The following SEMA3D variants were observed in gnomAD, a reference collection of about 807,000 sequenced individuals.
SEMA3D encodes the protein semaphorin-3D.
SEMA3D carries 84 observed loss-of-function variants against 100.1 expected under a neutral mutation model. The observed-to-expected ratio is 0.84, with a 90% CI of 0.70 to 1.01. SEMA3D has a LOEUF of 1.01. Among genes scored for constraint, SEMA3D ranks in the 50% least tolerant of loss-of-function variants. SEMA3D has a pLI of 0.00. For synonymous variants in SEMA3D, 312 were observed against 320.7 expected (o/e 0.97, Z 0.29); for missense variants, 875 against 934.1 (o/e 0.94, Z 0.82).
At chr7:85,112,555 A>T (rs759074925) in intron 3 of SEMA3D, among the ~76,000 whole-genome samples, 25 of 152,188 alleles carry the variant, frequency 1.6e-4, no homozygotes, top group Middle Eastern at 3.2e-3. Context: ...TGGCAAGTTG[A>T]CAATAACATG....
chr7:85,016,030 T>C (rs544625877), intron 15 of SEMA3D, among the ~76,000 whole-genome samples: 15 of 151,842 alleles, frequency 9.9e-5, no homozygotes, highest in African/African-American at 3.4e-4. Context: ...CATAATAACA[T>C]AGTACTCAAC....
chr7:85,181,302 A>T (rs969154972), intron 1 of SEMA3D, among the ~76,000 whole-genome samples: 2 of 146,220 alleles, frequency 1.4e-5, no homozygotes, highest in Non-Finnish European at 3.0e-5. Flanking sequence ...AATGACAAAG[A>T]ATAAAGACAT....
chr7:85,138,407 G>T (rs1221103710), intron 2 of SEMA3D, among the ~76,000 whole-genome samples: 1 of 151,756 alleles, frequency 6.6e-6, no homozygotes, highest in Non-Finnish European at 1.5e-5. Context: ...TCACGTCTCA[G>T]CCTCTAGAGC....
chr7:85,047,161 GA>G (rs886172023), intron 9 of SEMA3D, among the ~76,000 whole-genome samples: 34 of 150,452 alleles, frequency 2.3e-4, no homozygotes, highest in African/African-American at 4.4e-4. Context: ...ATTAAAAAAA[GA>G]AAAAAAAATT....
chr7:85,100,255 C>T (rs140194891), intron 3 of SEMA3D, among the ~76,000 whole-genome samples: 169 of 151,196 alleles, frequency 1.1e-3, no homozygotes, highest in African/African-American at 3.5e-3. Flanking sequence ...CCTAAAGTTA[C>T]AAAACTACGT....
intron 12 of SEMA3D, among the ~76,000 whole-genome samples, chr7:85,033,172 A>G (rs1790592652): frequency 6.6e-6 from 1 of 152,158 alleles, no homozygotes; most frequent in Admixed American, 6.6e-5. Flanking sequence ...TTGCTAAATA[A>G]TTTTGAACTT....
chr7:85,235,288 T>C, the SEMA3D span, among the ~76,000 whole-genome samples: 2 of 152,206 alleles, frequency 1.3e-5, no homozygotes, highest in Non-Finnish European at 2.9e-5. Context: ...AAAACAATTC[T>C]TGTCTAACAG....
chr7:85,073,423 T>TC (rs1322701300), intron 5 of SEMA3D, among the ~76,000 whole-genome samples: 1 of 148,842 alleles, frequency 6.7e-6, no homozygotes, highest in Non-Finnish European at 1.5e-5. Context: ...AATTTTCTCT[T>TC]TTTTTTTTTA....
At chr7:85,129,615 T>C (rs1315308802) in intron 2 of SEMA3D, among the ~76,000 whole-genome samples, 1 of 152,138 alleles carries the variant, frequency 6.6e-6, no homozygotes, top group Non-Finnish European at 1.5e-5. Context: ...AATAAATTCC[T>C]ACACTAAGAC....
At chr7:85,169,470 G>A (rs754607096) in intron 1 of SEMA3D, among the ~76,000 whole-genome samples, 3 of 151,776 alleles carry the variant, frequency 2.0e-5, no homozygotes, top group Non-Finnish European at 2.9e-5. Flanking sequence ...CTGATAGTAA[G>A]GAGGCAAAAT....
chr7:85,221,628 C>T, the SEMA3D span, among the ~76,000 whole-genome samples: 1 of 151,970 alleles, frequency 6.6e-6, no homozygotes, highest in Non-Finnish European at 1.5e-5. Context: ...ATATTATAGT[C>T]ACTCACATGA....
In SEMA3D at chr7:85,097,950, T is replaced by C. The variant is rs776929526; in HGVS notation, c.167A>G (p.Asn56Ser). 1.9e-6 allele frequency: 3 copies of C among 1,566,892 alleles called. No individual in the cohort carries two copies. The highest frequency in any genetic ancestry group is 1.7e-4 in the Middle Eastern group (1 of 5,836). Residue 56 changes from asparagine (N) to serine (S), a missense_variant, in exon 4 of 19, where the codon AAT (asparagine) becomes AGT (serine). Asn to Ser is a conservative substitution (Grantham distance 46, BLOSUM62 1). Transcript: ENST00000284136. ...TGAACCCAAAAAGGGAATACAGCTA[T>C]TTGAAAGCAGCAAGTCTATGGAAAG... is the stretch of plus-strand genomic sequence containing the variant. ...KLTYKDLLLS[N>S]SCIPFLGSSE... is the part of the protein sequence containing the mutation.
chr7:85,002,230 C>T (rs1161178011), intron 18 of SEMA3D, among the ~76,000 whole-genome samples: 3 of 151,992 alleles, frequency 2.0e-5, no homozygotes, highest in Non-Finnish European at 4.4e-5. Context: ...TCTTTTCTTC[C>T]GTGGAGTGCT....
intron 17 of SEMA3D, among the ~76,000 whole-genome samples, chr7:85,009,749 T>G (rs1235982067): frequency 6.6e-6 from 1 of 151,862 alleles, no homozygotes; most frequent in African/African-American, 2.4e-5. Context: ...TTATAAAATC[T>G]AACTTTCTCC....
chr7:85,124,756 A>T (rs1460017682), intron 2 of SEMA3D, among the ~76,000 whole-genome samples: 1 of 152,142 alleles, frequency 6.6e-6, no homozygotes, highest in African/African-American at 2.4e-5. Context: ...GAGAGGGAAG[A>T]GAATGTGGCA....
intron 12 of SEMA3D, among the ~76,000 whole-genome samples, 193 bp downstream of exon 12, chr7:85,036,696 T>C (rs1483955059): frequency 6.6e-6 from 1 of 152,158 alleles, no homozygotes; most frequent in Admixed American, 6.6e-5. Context: ...ACATAGTCCA[T>C]TGTTTCTCAA....
At chr7:85,171,780 A>G (rs907146719) in intron 1 of SEMA3D, among the ~76,000 whole-genome samples, 3 of 152,070 alleles carry the variant, frequency 2.0e-5, no homozygotes, top group Non-Finnish European at 4.4e-5. Context: ...AAAATTACAT[A>G]AGGAATGAGT....
chr7:85,248,772 G>T, the SEMA3D span, among the ~76,000 whole-genome samples: 2 of 151,986 alleles, frequency 1.3e-5, no homozygotes, highest in African/African-American at 4.8e-5. Context: ...TCTGGAAAGG[G>T]CATAACTATG....
At chr7:85,061,394 A>C (rs1791474286) in intron 8 of SEMA3D, among the ~76,000 whole-genome samples, 1 of 152,190 alleles carries the variant, frequency 6.6e-6, no homozygotes, top group African/African-American at 2.4e-5. Flanking sequence ...AGAACATAAT[A>C]TGCCATGCAC....
Sources: gnomAD v4.1 joint callset for allele counts (sites outside exome capture counted in the v4.1 genomes callset) on GRCh38, gnomAD v4.1.1 for gene constraint, MANE v1.5 for transcripts, NCBI Gene and HGNC (gene_info 2026-07-23, HGNC 2026-07-21) for gene names.